The following NACC2 variants were observed in gnomAD, a reference collection of about 807,000 sequenced individuals.
NACC2 encodes NACC family member 2, also known as nucleus accumbens-associated protein 2.
A neutral mutation model predicts 25.1 loss-of-function variants in NACC2; 8 were observed. That is an observed-to-expected ratio of 0.32 (90% CI 0.19 to 0.57). The LOEUF (loss-of-function observed/expected upper bound fraction) is 0.57, where lower values mean the gene tolerates loss of function less well. NACC2 is among the 20% of genes least tolerant of loss of function. The pLI, the probability that NACC2 is intolerant of heterozygous loss-of-function variation, is 0.89. For synonymous variants in NACC2, 435 were observed against 294.7 expected (o/e 1.48, Z -4.88); for missense variants, 644 against 650.2 (o/e 0.99, Z 0.10).
chr9:136,089,526 C>T (rs1276640171), intron 1 of NACC2, among the ~76,000 whole-genome samples: 2 of 151,924 alleles, frequency 1.3e-5, no homozygotes, highest in Non-Finnish European at 2.9e-5. Context: ...GCCCCTCCCC[C>T]AGCGCTGGGG....
rs938390468 is a variant in NACC2, at chr9:136,046,829, A to G, written c.886+2807T>C. 2.9e-3 allele frequency among the ~76,000 whole-genome samples: 438 copies of G among 152,340 alleles called. No homozygotes were observed. In the Middle Eastern group the frequency reaches 0.041, roughly 14 times the overall value. Reference sequence around the variant, plus strand: ...GGAGACCCTTGCCGTGAGGCCACACAGACCATGGGGCGGGGGCTGTGCCGG... The same window carrying G: ...GGAGACCCTTGCCGTGAGGCCACACGGACCATGGGGCGGGGGCTGTGCCGG... On this transcript the variant is annotated intron_variant, in intron 2 of 5. Coordinates refer to ENST00000277554, the MANE Select transcript of NACC2 (RefSeq NM_144653.5).
At chr9:136,024,369 A>G (rs1402241447) in intron 2 of NACC2, among the ~76,000 whole-genome samples, 2 of 96,460 alleles carry the variant, frequency 2.1e-5, no homozygotes, top group African/African-American at 4.8e-5. Context: ...GTGAGGACAG[A>G]AGGTGTGTGT....
chr9:136,012,788 G>A (rs141490860), intron 5 of NACC2, among the ~76,000 whole-genome samples: 3 of 152,142 alleles, frequency 2.0e-5, no homozygotes, highest in Admixed American at 6.5e-5. Context: ...CATCTGGGGC[G>A]CGGGCCGGGG....
At position 136,010,324 on chromosome 9, in the gene NACC2, A is replaced by G; in HGVS notation, c.*1192T>C. The G allele has an allele frequency of 6.5e-6, 1 of 153,198 alleles. No homozygotes were observed. Among genetic ancestry groups the G allele is most frequent in the Non-Finnish European group, 1.5e-5 (1 of 68,790 alleles). The allele number at this position is 153,198 out of a possible 1,614,324, so 9.5% of individuals were successfully genotyped here. Reference sequence around the variant, plus strand: ...TGCACACCCCTCAAGGCAGACGGGGAGCCCAGCACCGGGAGGACCGACTCT... The same window carrying G: ...TGCACACCCCTCAAGGCAGACGGGGGGCCCAGCACCGGGAGGACCGACTCT... On this transcript the variant is annotated 3_prime_UTR_variant, in exon 6 of 6. Coordinates refer to ENST00000277554, the MANE Select transcript of NACC2 (RefSeq NM_144653.5). The surrounding 1 kb of genome is among the most constrained non-coding windows in gnomAD (Gnocchi z 4.9).
chr9:136,057,497 TAGA>T (rs1259835856), intron 1 of NACC2, among the ~76,000 whole-genome samples: 4 of 152,196 alleles, frequency 2.6e-5, no homozygotes, highest in Non-Finnish European at 4.4e-5. Context: ...CAAAACATTC[TAGA>T]AGGTTTCCAA....
chr9:136,064,355 T>C (rs952883361), intron 1 of NACC2, among the ~76,000 whole-genome samples: 2 of 151,476 alleles, frequency 1.3e-5, no homozygotes, highest in East Asian at 1.9e-4. Flanking sequence ...CACAGCAAGA[T>C]TGCAAAATAT....
In NACC2 at chr9:136,011,315, T is replaced by C. The variant is rs1432830750; in HGVS notation, c.*201A>G. The stretch of plus-strand genomic sequence containing the variant: ...CCCTGGGAACTTCCTCGCAGGAGGC[T>C]GCCAGTGGCCTAATTGTTTACAGTA... On this transcript the variant is annotated 3_prime_UTR_variant, in exon 6 of 6. Coordinates refer to ENST00000277554, the MANE Select transcript of NACC2 (RefSeq NM_144653.5). 2 of 517,558 alleles carry C rather than the reference T, an allele frequency of 3.9e-6. No homozygotes were observed. The highest frequency in any genetic ancestry group is 4.5e-5 in the Admixed American group (1 of 22,324). The allele number at this position is 517,558 out of a possible 1,614,324, so 32.1% of individuals were successfully genotyped here. A position where few individuals can be genotyped will look rare whatever the true frequency, so the allele number is the denominator to read the frequency against.
chr9:136,013,170 AC>A lies in NACC2; in HGVS notation c.1255+28del. On this transcript the variant is annotated intron_variant, in intron 5 of 5. Coordinates refer to ENST00000277554, the MANE Select transcript of NACC2 (RefSeq NM_144653.5). The surrounding 1 kb of genome is among the most constrained non-coding windows in gnomAD (Gnocchi z 6.6). ...GGGATCTGAACCCAGCCCCGGCCCCACCCACCCGAGAGACCCCCAGGCTCTT... is the reference window on the plus strand; with the variant it reads ...GGGATCTGAACCCAGCCCCGGCCCCACCACCCGAGAGACCCCCAGGCTCTT... 4.3e-5 allele frequency: 17 copies of A among 391,772 alleles called. 2 individuals are homozygous for A. The highest frequency in any genetic ancestry group is 7.9e-5 in the Non-Finnish European group (17 of 215,688). The allele number at this position is 391,772 out of a possible 1,614,324, so 24.3% of individuals were successfully genotyped here.
At chr9:136,090,571 A>G (rs1212428789) in intron 1 of NACC2, among the ~76,000 whole-genome samples, 4 of 152,154 alleles carry the variant, frequency 2.6e-5, no homozygotes, top group Admixed American at 6.5e-5. Context: ...CCAGCTCCCA[A>G]CGCCCTCCAT....
At chr9:136,081,985 G>A (rs560169081) in intron 1 of NACC2, among the ~76,000 whole-genome samples, 1 of 152,296 alleles carries the variant, frequency 6.6e-6, no homozygotes, top group African/African-American at 2.4e-5. Context: ...TGACGCGAGA[G>A]CCAGGCTGCA....
intron 1 of NACC2, among the ~76,000 whole-genome samples, chr9:136,076,230 G>A (rs997769980): frequency 6.6e-6 from 1 of 152,200 alleles, no homozygotes; most frequent in East Asian, 1.9e-4. Context: ...AAGGGGCAGC[G>A]TTTCCCGGCC....
chr9:136,064,729 CAT>C (rs1386022117), intron 1 of NACC2, among the ~76,000 whole-genome samples: 1 of 152,146 alleles, frequency 6.6e-6, no homozygotes, highest in East Asian at 1.9e-4. Context: ...GCTAAAAATT[CAT>C]ATGGAAACGC....
chr9:136,091,760 C>T (rs1367931275), intron 1 of NACC2, among the ~76,000 whole-genome samples: 1 of 152,110 alleles, frequency 6.6e-6, no homozygotes, highest in Non-Finnish European at 1.5e-5. Flanking sequence ...GAGCCCCAGC[C>T]AGCCAGGAGG....
chr9:136,070,076 C>G (rs72773707), intron 1 of NACC2, among the ~76,000 whole-genome samples: 5,150 of 151,964 alleles, frequency 0.034, 151 homozygotes, highest in Admixed American at 0.054. Context: ...AAGAACTTTA[C>G]AAGACTTAAA....
At chr9:136,090,292 C>T (rs1174903316) in intron 1 of NACC2, among the ~76,000 whole-genome samples, 2 of 152,284 alleles carry the variant, frequency 1.3e-5, no homozygotes, top group East Asian at 3.9e-4. Flanking sequence ...GGACAACTTC[C>T]TTCTGCTCCG....
intron 2 of NACC2, among the ~76,000 whole-genome samples, chr9:136,024,174 GTGTGA>G: frequency 7.0e-6 from 1 of 143,086 alleles, no homozygotes; most frequent in Non-Finnish European, 1.5e-5. Flanking sequence ...GTGTGTGTGT[GTGTGA>G]GGACGGAGTG....
At chr9:136,023,064 GGA>G (rs1840317682) in intron 2 of NACC2, among the ~76,000 whole-genome samples, 1 of 4,252 alleles carries the variant, frequency 2.4e-4, no homozygotes, top group Non-Finnish European at 5.8e-4. Flanking sequence ...GAGGAAGGAG[GGA>G]AGAGGGAGGG....
chr9:136,057,108 C>T (rs1340686347), intron 1 of NACC2, among the ~76,000 whole-genome samples: 2 of 152,174 alleles, frequency 1.3e-5, no homozygotes, highest in Admixed American at 6.5e-5. Flanking sequence ...GCTCTGCGTC[C>T]GATAGGGCCT....
At position 136,055,244 on chromosome 9, in the gene NACC2, G is replaced by A. The variant is rs1383175683; in HGVS notation, c.-59-4664C>T. Among the ~76,000 whole-genome samples, 1 of 152,148 alleles carries A rather than the reference G, an allele frequency of 6.6e-6. No homozygotes were observed. Among genetic ancestry groups the A allele is most frequent in the Non-Finnish European group, 1.5e-5 (1 of 68,004 alleles). ...AACTGCAGCCAGACGCGCACACAGG[G>A]GTTGGGGCAGCGTCTCCAGAACGAC... On this transcript the variant is annotated intron_variant, in intron 1 of 5. Transcript: ENST00000277554. This position sits in a 1 kb window ranked among gnomAD's most constrained non-coding sequence, Gnocchi z 4.9.
Sources: gnomAD v4.1 joint callset for allele counts (sites outside exome capture counted in the v4.1 genomes callset) on GRCh38, gnomAD v4.1.1 for gene constraint, Gnocchi (gnomAD v3.1) non-coding constraint, MANE v1.5 for transcripts, NCBI Gene and HGNC (gene_info 2026-07-23, HGNC 2026-07-21) for gene names.